Variants in MDGA2 observed in about 807,000 individuals in gnomAD.
MDGA2 encodes the protein MAM domain-containing glycosylphosphatidylinositol anchor protein 2.
In MDGA2, 40 loss-of-function variants were observed where a neutral mutation model predicts 117.8. The ratio of observed to expected loss-of-function variants is 0.34; its 90% CI spans 0.26 to 0.44. The LOEUF (loss-of-function observed/expected upper bound fraction) is 0.44, where lower values mean the gene tolerates loss of function less well. Ranked by LOEUF, MDGA2 falls within the 20% of genes least tolerant of loss-of-function variation. The probability of loss-of-function intolerance (pLI) is 1.00; values close to 1 mark genes in which losing one functional copy is unlikely to be tolerated. For missense variants in MDGA2, 1,123 were observed against 1,250.6 expected, an observed-to-expected ratio of 0.90 and a Z score of 1.54; for synonymous variants, 452 against 439.0, an observed-to-expected ratio of 1.03 and a Z score of -0.37.
At chr14:46,942,876 T>C (rs572416030) in intron 9 of MDGA2, among the ~76,000 whole-genome samples, 128 of 152,256 alleles carry the variant, frequency 8.4e-4, no homozygotes, top group Non-Finnish European at 1.2e-3. Context: ...AGTCTTTGTG[T>C]ATACATGTGC....
chr14:47,163,776 A>T (rs1372468970), intron 3 of MDGA2, among the ~76,000 whole-genome samples: 1 of 152,236 alleles, frequency 6.6e-6, no homozygotes, highest in African/African-American at 2.4e-5. Context: ...TTGGTGAAGA[A>T]CTGGAAGGAC....
intron 1 of MDGA2, among the ~76,000 whole-genome samples, chr14:47,312,690 TTTGTTTTG>T: frequency 2.1e-5 from 2 of 93,554 alleles, no homozygotes; most frequent in African/African-American, 8.0e-5. Context: ...TTTTTTTTGT[TTTGTTTTG>T]TTTTTTTTTT....
chr14:47,271,565 T>C (rs1344558647), intron 2 of MDGA2, among the ~76,000 whole-genome samples: 1 of 151,828 alleles, frequency 6.6e-6, no homozygotes, highest in East Asian at 1.9e-4. Flanking sequence ...CTGGAAGGAG[T>C]CATCAAACAG....
At chr14:47,229,867 C>T (rs753305817) in intron 2 of MDGA2, among the ~76,000 whole-genome samples, 8 of 151,882 alleles carry the variant, frequency 5.3e-5, no homozygotes, top group Non-Finnish European at 1.2e-4. Context: ...GAGGATATTC[C>T]AGTTGGCTGT....
chr14:46,885,192 GA>G (rs1566507617), intron 10 of MDGA2, among the ~76,000 whole-genome samples: 2 of 151,768 alleles, frequency 1.3e-5, no homozygotes, highest in African/African-American at 4.8e-5. Context: ...GAATCATGAA[GA>G]AAAAGATTGA....
chr14:47,345,125 A>T (rs1890736981), intron 1 of MDGA2, among the ~76,000 whole-genome samples: 3 of 152,094 alleles, frequency 2.0e-5, no homozygotes, highest in African/African-American at 7.2e-5. Flanking sequence ...AAAACCAATA[A>T]AAAAAGGAAG....
intron 1 of MDGA2, among the ~76,000 whole-genome samples, chr14:47,391,772 C>CT: frequency 6.6e-6 from 1 of 152,298 alleles, no homozygotes; most frequent in African/African-American, 2.4e-5. Context: ...AAACACACAG[C>CT]TACATTTGAT....
rs187277604 is a variant in MDGA2, at chr14:46,882,597, T to C, written c.2239-376A>G. 3.6e-4 allele frequency among the ~76,000 whole-genome samples: 54 copies of C among 151,466 alleles called. 3 individuals are homozygous for C. In the South Asian group the frequency reaches 7.7e-3, roughly 22 times the overall value. ...TACAACTCTATCACATTAGCAAACA[T>C]ATGCATTGCATATATAACTGTTCCC... On this transcript the variant is annotated intron_variant, in intron 10 of 16. Coordinates refer to ENST00000399232, the MANE Select transcript of MDGA2 (RefSeq NM_001113498.3).
rs560961876 is a variant in MDGA2, at chr14:47,071,406, A to T, written c.1196-9828T>A. On this transcript the variant is annotated intron_variant, in intron 6 of 16. Transcript: ENST00000399232. ...GGTGCTGAGGTGTGAAGAGACTCAA[A>T]ACTAAATAAATTTAATATGCTATAA... is the stretch of plus-strand genomic sequence containing the variant. Among the ~76,000 whole-genome samples, 155 of 152,318 alleles carry T rather than the reference A, an allele frequency of 1.0e-3. 2 individuals carry two copies. Among genetic ancestry groups the T allele is most frequent in the African/African-American group, 3.5e-3 (147 of 41,570 alleles).
chr14:47,347,586 G>A (rs1890787886), intron 1 of MDGA2, among the ~76,000 whole-genome samples: 1 of 152,114 alleles, frequency 6.6e-6, no homozygotes, highest in African/African-American at 2.4e-5. Flanking sequence ...GGAAATATGG[G>A]TTTTGGAAAA....
At chr14:46,970,158 A>G (rs1033824125) in intron 8 of MDGA2, among the ~76,000 whole-genome samples, 4 of 151,882 alleles carry the variant, frequency 2.6e-5, no homozygotes, top group African/African-American at 9.7e-5. Flanking sequence ...CAGTCCTTAC[A>G]AAAATGTCAA....
chr14:47,164,587 A>G (rs562125226), intron 3 of MDGA2, among the ~76,000 whole-genome samples: 22 of 152,316 alleles, frequency 1.4e-4, no homozygotes, highest in Admixed American at 3.9e-4. Context: ...GCGATCATTA[A>G]AAAGTCAGGA....
chr14:47,429,895 G>A (rs1334214109), intron 1 of MDGA2, among the ~76,000 whole-genome samples: 2 of 150,542 alleles, frequency 1.3e-5, no homozygotes, highest in Non-Finnish European at 3.0e-5. Flanking sequence ...ACAAGGAGTG[G>A]GGGGACCATA....
intron 8 of MDGA2, among the ~76,000 whole-genome samples, chr14:46,965,818 G>A (rs1255847299): frequency 2.0e-5 from 3 of 151,982 alleles, no homozygotes; most frequent in Admixed American, 2.0e-4. Context: ...AGTTTTTTAT[G>A]GCATAAAATT....
chr14:47,357,533 G>A (rs1243767072), intron 1 of MDGA2, among the ~76,000 whole-genome samples: 9 of 152,186 alleles, frequency 5.9e-5, no homozygotes, highest in Non-Finnish European at 1.2e-4. Flanking sequence ...TGGGAAAACA[G>A]AGGTTAACGT....
chr14:47,497,549 C>T (rs1297504487), intron 1 of MDGA2, among the ~76,000 whole-genome samples: 1 of 152,138 alleles, frequency 6.6e-6, no homozygotes, highest in Non-Finnish European at 1.5e-5. Context: ...TGAGCCACCA[C>T]ACCTGGCCAA....
intron 8 of MDGA2, among the ~76,000 whole-genome samples, chr14:46,969,879 C>T (rs1207531973): frequency 6.9e-6 from 1 of 145,182 alleles, no homozygotes; most frequent in Admixed American, 7.2e-5. Flanking sequence ...CACATGTATA[C>T]CTATGTTAAA....
intron 8 of MDGA2, among the ~76,000 whole-genome samples, chr14:47,033,761 T>C (rs988191091): frequency 1.3e-5 from 2 of 152,240 alleles, no homozygotes; most frequent in East Asian, 1.9e-4. Context: ...ATAAGACAAA[T>C]AGCATATCTG....
intron 5 of MDGA2, among the ~76,000 whole-genome samples, chr14:47,116,317 T>C (rs1046261363): frequency 6.6e-6 from 1 of 152,106 alleles, no homozygotes; most frequent in African/African-American, 2.4e-5. Context: ...GACTTAATAT[T>C]GTTAAAATGT....
Sources: allele counts gnomAD v4.1 joint callset (sites outside exome capture counted in the v4.1 genomes callset), GRCh38; gene constraint gnomAD v4.1.1; transcripts MANE v1.5; gene names NCBI Gene and HGNC (gene_info 2026-07-23, HGNC 2026-07-21).